The following FBXO34 variants were observed in gnomAD, a reference collection of about 807,000 sequenced individuals.
FBXO34 encodes the protein F-box only protein 34.
In FBXO34, 12 loss-of-function variants were observed where a neutral mutation model predicts 24.5. The observed-to-expected ratio is 0.49, with a 90% CI of 0.31 to 0.79. The LOEUF (loss-of-function observed/expected upper bound fraction) is 0.79. Among genes scored for constraint, FBXO34 ranks in the 30% least tolerant of loss-of-function variants. The probability of loss-of-function intolerance (pLI) is 0.04; values close to 1 mark genes in which losing one functional copy is unlikely to be tolerated. For missense variants in FBXO34, 823 were observed against 857.7 expected (o/e 0.96, Z 0.51); for synonymous variants, 320 against 311.9 (o/e 1.03, Z -0.27).
the FBXO34 span, among the ~76,000 whole-genome samples, chr14:55,439,613 A>ACCCC: frequency 6.7e-4 from 32 of 47,978 alleles, 1 homozygote; most frequent in African/African-American, 2.4e-3. Flanking sequence ...GAGAAAAGCA[A>ACCCC]ACCCCCCCCC....
At chr14:55,380,875 A>ATTT in the FBXO34 span, among the ~76,000 whole-genome samples, 6 of 112,704 alleles carry the variant, frequency 5.3e-5, no homozygotes, top group African/African-American at 1.1e-4. Flanking sequence ...ATATATATAT[A>ATTT]TTTTTTTTTT....
At chr14:55,312,656 C>T (rs1302583318) in intron 1 of FBXO34, among the ~76,000 whole-genome samples, 2 of 152,250 alleles carry the variant, frequency 1.3e-5, no homozygotes, top group Non-Finnish European at 2.9e-5. Flanking sequence ...CGTGCACCTG[C>T]AGGCCCAACA....
At chr14:55,403,207 A>T in the FBXO34 span, among the ~76,000 whole-genome samples, 4 of 152,028 alleles carry the variant, frequency 2.6e-5, no homozygotes, top group Admixed American at 6.6e-5. Flanking sequence ...TAAAGGGATT[A>T]AAAAAATGTG....
At chr14:55,287,939 C>T (rs1447801430) in intron 1 of FBXO34, among the ~76,000 whole-genome samples, 1 of 152,096 alleles carries the variant, frequency 6.6e-6, no homozygotes, top group African/African-American at 2.4e-5. Context: ...TGTTGTGTGC[C>T]TGTGTTTTGA....
intron 1 of FBXO34, among the ~76,000 whole-genome samples, chr14:55,332,858 G>C (rs1399432383): frequency 6.6e-6 from 1 of 152,190 alleles, no homozygotes; most frequent in Non-Finnish European, 1.5e-5. Context: ...AGGGGTACGA[G>C]GCACTGTTTG....
the FBXO34 span, among the ~76,000 whole-genome samples, chr14:55,380,304 C>G: frequency 6.6e-6 from 1 of 152,134 alleles, no homozygotes; most frequent in East Asian, 1.9e-4. Flanking sequence ...TGCGATTTAA[C>G]ATATGAGGAT....
intron 1 of FBXO34, among the ~76,000 whole-genome samples, chr14:55,290,496 C>T (rs1881910784): frequency 6.6e-6 from 1 of 151,936 alleles, no homozygotes; most frequent in South Asian, 2.1e-4. Context: ...AGGTCATCAC[C>T]CCCTACCATC....
chr14:55,324,221 G>T (rs908796142), intron 1 of FBXO34, among the ~76,000 whole-genome samples: 2 of 152,090 alleles, frequency 1.3e-5, no homozygotes, highest in African/African-American at 4.8e-5. Context: ...CTTTCACTTA[G>T]CATGATGTCT....
chr14:55,377,746 A>G, the FBXO34 span: 2 of 1,136,172 alleles, frequency 1.8e-6, no homozygotes, highest in Admixed American at 2.4e-5. Flanking sequence ...ACACGACTCT[A>G]CTATGCCAAC....
chr14:55,341,172 TAAACTACTAAG>T (rs1883979644), intron 1 of FBXO34, among the ~76,000 whole-genome samples: 1 of 152,092 alleles, frequency 6.6e-6, no homozygotes, highest in Non-Finnish European at 1.5e-5. Context: ...CAGTTGAAGG[TAAACTACTAAG>T]AGGAAACATT....
At chr14:55,282,922 T>A (rs2139651664) in intron 1 of FBXO34, among the ~76,000 whole-genome samples, 1 of 152,346 alleles carries the variant, frequency 6.6e-6, no homozygotes, top group Non-Finnish European at 1.5e-5. Context: ...TTTGCTTTAT[T>A]GTCCAGAAAC....
In FBXO34 at chr14:55,288,751, A is replaced by G. The variant is rs530508100; in HGVS notation, c.-11+17214A>G. On this transcript the variant is annotated intron_variant, in intron 1 of 1. Coordinates refer to ENST00000313833, the MANE Select transcript of FBXO34 (RefSeq NM_017943.4). ...TTTACTCCAAGAGTAAATGATGAGA[A>G]ATGAAAAAAATATATAGGGCCGGGC... 2.5e-3 allele frequency among the ~76,000 whole-genome samples: 383 copies of G among 152,246 alleles called. 1 individual carries two copies. Among genetic ancestry groups the G allele is most frequent in the Non-Finnish European group, 3.8e-3 (259 of 68,020 alleles).
At chr14:55,317,045 A>G (rs1456174228) in intron 1 of FBXO34, among the ~76,000 whole-genome samples, 1 of 152,114 alleles carries the variant, frequency 6.6e-6, no homozygotes, top group African/African-American at 2.4e-5. Flanking sequence ...ATTTTTCAGT[A>G]TCTCTGTGTT....
At chr14:55,306,498 A>G (rs1326849884) in intron 1 of FBXO34, among the ~76,000 whole-genome samples, 1 of 152,206 alleles carries the variant, frequency 6.6e-6, no homozygotes, top group Non-Finnish European at 1.5e-5. Context: ...TAAGTTAACA[A>G]ATTATAGAAG....
the FBXO34 span, chr14:55,378,083 C>CAAACATACAATTATACAATTTAT: frequency 5.6e-6 from 9 of 1,608,702 alleles, no homozygotes; most frequent in Non-Finnish European, 7.6e-6. Context: ...CACTGTAAAA[C>CAAACATACAATTATACAATTTAT]AAACATACAA....
chr14:55,353,892 T>G (rs1884477354), downstream of FBXO34, among the ~76,000 whole-genome samples: 1 of 152,122 alleles, frequency 6.6e-6, no homozygotes, highest in South Asian at 2.1e-4. Flanking sequence ...CATTTGGGAG[T>G]CACTAAGGAT....
At chr14:55,296,391 G>GTTTTTTTTTTTTTTTTTTTTTTTTTT (rs1167344634) in intron 1 of FBXO34, among the ~76,000 whole-genome samples, 7 of 64,758 alleles carry the variant, frequency 1.1e-4, no homozygotes, top group Admixed American at 1.9e-4. Context: ...TGTTTTTTTT[G>GTTTTTTTTTTTTTTTTTTTTTTTTTT]TTTTTTTTTT....
At chr14:55,403,417 T>C in the FBXO34 span, among the ~76,000 whole-genome samples, 3 of 152,172 alleles carry the variant, frequency 2.0e-5, no homozygotes, top group African/African-American at 7.2e-5. Flanking sequence ...AGAAAATGTA[T>C]ACTACAGTTC....
chr14:55,391,053 T>C, the FBXO34 span: 1 of 1,116,790 alleles, frequency 9.0e-7, no homozygotes, highest in Non-Finnish European at 1.3e-6. Flanking sequence ...TATGATTATC[T>C]ACCTGGGATC....
Sources: gnomAD v4.1 joint callset for allele counts (sites outside exome capture counted in the v4.1 genomes callset) on GRCh38, gnomAD v4.1.1 for gene constraint, MANE v1.5 for transcripts, NCBI Gene and HGNC (gene_info 2026-07-23, HGNC 2026-07-21) for gene names.